TMEM233: variants seen among roughly 807,000 people sequenced by gnomAD.
TMEM233 encodes dispanin subfamily B member 2.
A neutral mutation model predicts 11.2 loss-of-function variants in TMEM233; 6 were observed. The ratio of observed to expected loss-of-function variants is 0.54; its 90% confidence interval spans 0.29 to 1.06. The LOEUF (loss-of-function observed/expected upper bound fraction) is 1.06, where lower values mean the gene tolerates loss of function less well. Ranked by LOEUF, TMEM233 falls within the 50% of genes least tolerant of loss-of-function variation. TMEM233 has a pLI of 0.08. For synonymous variants in TMEM233, 59 were observed against 55.8 expected (o/e 1.06, Z -0.26); for missense variants, 127 against 144.7 (o/e 0.88, Z 0.63).
chr12:119,627,345 A>C (rs1027694267), intron 1 of TMEM233, among the ~76,000 whole-genome samples: 2 of 152,256 alleles, frequency 1.3e-5, no homozygotes, highest in Non-Finnish European at 2.9e-5. Flanking sequence ...GTAGTGTGTC[A>C]GTCCATTTTG....
chr12:119,600,312 G>A (rs1479384846), intron 1 of TMEM233, among the ~76,000 whole-genome samples: 2 of 147,018 alleles, frequency 1.4e-5, no homozygotes, highest in Non-Finnish European at 3.0e-5. Flanking sequence ...CACAAGACAA[G>A]AACCGGCTGA....
intron 1 of TMEM233, among the ~76,000 whole-genome samples, 174 bp from the exon 2 acceptor site, chr12:119,629,561 AG>A: frequency 6.6e-6 from 1 of 152,338 alleles, no homozygotes; most frequent in Non-Finnish European, 1.5e-5. Context: ...CTTAGAGTTT[AG>A]GGAAGGATTC....
At chr12:119,636,049 G>A (rs1001853066) in intron 2 of TMEM233, among the ~76,000 whole-genome samples, 41 of 152,246 alleles carry the variant, frequency 2.7e-4, no homozygotes, top group African/African-American at 9.9e-4. Context: ...ACTGGCCATT[G>A]GTGCCCAACT....
intron 1 of TMEM233, among the ~76,000 whole-genome samples, chr12:119,611,858 G>A (rs1954405137): frequency 6.6e-6 from 1 of 152,112 alleles, no homozygotes; most frequent in Non-Finnish European, 1.5e-5. Context: ...GCTTCTCTGA[G>A]CCTAGGTTTT....
intron 1 of TMEM233, among the ~76,000 whole-genome samples, chr12:119,623,480 G>C (rs1006966703): frequency 1.3e-5 from 2 of 151,676 alleles, no homozygotes; most frequent in African/African-American, 4.9e-5. Context: ...GGCTGAGGCA[G>C]GTGGACTGCT....
In TMEM233 at chr12:119,641,448, T is replaced by C. The variant is rs1426065512; in HGVS notation, c.*743T>C. The stretch of plus-strand genomic sequence containing the variant: ...CAATTCTAGGTACATGAGCACTTCC[T>C]GTATCCCAGTTTTGGGAATAAACTG... On this transcript the variant is annotated 3_prime_UTR_variant, in exon 3 of 3. Transcript: ENST00000426426. The C allele has an allele frequency of 6.6e-6, 1 of 151,956 alleles. No individual in the cohort carries two copies. The highest frequency in any genetic ancestry group is 2.4e-5 in the African/African-American group (1 of 41,368). The allele number at this position is 151,956 out of a possible 1,614,324, so 9.4% of individuals were successfully genotyped here. A position where few individuals can be genotyped will look rare whatever the true frequency, so the allele number is the denominator to read the frequency against.
At position 119,634,195 on chromosome 12, in the gene TMEM233, G is replaced by T. The variant is rs1335808617; in HGVS notation, c.323+4323G>T. ...CACCTAGCAGGTCTACCCACAGGGA[G>T]CCTCCTTTGTAACAATCTATTTCCA... On this transcript the variant is annotated intron_variant, in intron 2 of 2. Transcript: ENST00000426426. 5.1e-6 allele frequency: 5 copies of T among 977,488 alleles called. No homozygotes were observed. The African/African-American group carries it at 8.8e-5, about 17-fold the overall frequency. The allele number at this position is 977,488 out of a possible 1,614,324, so 60.6% of individuals were successfully genotyped here.
In TMEM233 at chr12:119,595,252, C is replaced by T. The variant is rs1954016772; in HGVS notation, c.186+1218C>T. On this transcript the variant is annotated intron_variant, in intron 1 of 2. Transcript: ENST00000426426. This position sits in a 1 kb window ranked among gnomAD's most constrained non-coding sequence, Gnocchi z 4.3. ...CGGGACAACCCTTGCAGTTGCGCTC[C>T]CTCCCCCACCGGCTCACCTCGCCTG... Among the ~76,000 whole-genome samples, 1 of 152,182 alleles carries T rather than the reference C, an allele frequency of 6.6e-6. No individual in the cohort carries two copies. The highest frequency in any genetic ancestry group is 1.5e-5 in the Non-Finnish European group (1 of 68,024).
intron 1 of TMEM233, among the ~76,000 whole-genome samples, chr12:119,625,113 G>T (rs111756478): frequency 0.017 from 2,513 of 152,224 alleles, 61 homozygotes; most frequent in African/African-American, 0.056. Flanking sequence ...CTTCATTGTT[G>T]AGTCTTCCCA....
intron 1 of TMEM233, among the ~76,000 whole-genome samples, chr12:119,599,925 A>G (rs183318633): frequency 2.1e-4 from 32 of 152,250 alleles, no homozygotes; most frequent in African/African-American, 7.7e-4. Context: ...GGAAAGCTGC[A>G]ATGTTGAACA....
intron 2 of TMEM233, among the ~76,000 whole-genome samples, chr12:119,634,029 T>C (rs1459330800): frequency 6.6e-6 from 1 of 152,244 alleles, no homozygotes; most frequent in African/African-American, 2.4e-5. Flanking sequence ...TGCCAAACCT[T>C]GGCAAATATC....
In TMEM233 at chr12:119,642,225, T is replaced by A. The variant is rs1241343601; in HGVS notation, c.*1520T>A. ...ATCCCAGCAATTTGAGAGGCTGAGA[T>A]CACTTAAGGTCAGGAGTTTGAGACC... is the stretch of plus-strand genomic sequence containing the variant. On this transcript the variant is annotated 3_prime_UTR_variant, in exon 3 of 3. Coordinates refer to ENST00000426426, the MANE Select transcript of TMEM233 (RefSeq NM_001136534.3). 6.6e-6 allele frequency: 1 copy of A among 151,974 alleles called. No homozygotes were observed. Among genetic ancestry groups the A allele is most frequent in the Non-Finnish European group, 1.5e-5 (1 of 68,004 alleles). 9.4% of individuals were successfully genotyped at this position (151,974 alleles called of 1,614,324 possible). A position where few individuals can be genotyped will look rare whatever the true frequency, so the allele number is the denominator to read the frequency against.
chr12:119,622,726 TC>T (rs1261608750), intron 1 of TMEM233, among the ~76,000 whole-genome samples: 2 of 152,146 alleles, frequency 1.3e-5, no homozygotes, highest in African/African-American at 4.8e-5. Flanking sequence ...AATCTCTCAC[TC>T]TCGTCCCTCC....
chr12:119,619,593 A>T (rs1954602890), intron 1 of TMEM233, among the ~76,000 whole-genome samples: 1 of 151,816 alleles, frequency 6.6e-6, no homozygotes, highest in Non-Finnish European at 1.5e-5. Context: ...GTGAGCCAAG[A>T]TCATGCCATT....
chr12:119,610,852 C>A, intron 1 of TMEM233, among the ~76,000 whole-genome samples: 1 of 152,158 alleles, frequency 6.6e-6, no homozygotes, highest in East Asian at 1.9e-4. Flanking sequence ...TCCCCACAAC[C>A]CCTGGCAATC....
intron 1 of TMEM233, among the ~76,000 whole-genome samples, chr12:119,613,750 G>A (rs758002916): frequency 2.0e-5 from 3 of 152,122 alleles, no homozygotes; most frequent in Non-Finnish European, 4.4e-5. Flanking sequence ...AAGAGTTTGA[G>A]GCTGCACTGA....
Position 119,594,073 on chromosome 12 carries a change from A to C in TMEM233, c.186+39A>C. 1 of 1,543,264 alleles carries C rather than the reference A, an allele frequency of 6.5e-7. No homozygotes were observed. The highest frequency in any genetic ancestry group is 8.8e-7 in the Non-Finnish European group (1 of 1,142,266). ...GGCCAGAGGCAGCCTGGGAGGAGAG[A>C]CCCGGGCGGCTTTGAGCCCCTGCAG... On this transcript the variant is annotated intron_variant, in intron 1 of 2. Transcript: ENST00000426426. This position sits in a 1 kb window ranked among gnomAD's most constrained non-coding sequence, Gnocchi z 5.6.
Position 119,629,719 on chromosome 12 carries a change from T to C in TMEM233, c.187-17T>C. On this transcript the variant is annotated splice_polypyrimidine_tract_variant and intron_variant, in intron 1 of 2. Transcript: ENST00000426426. ...TGGGTTATCTGTCATCACCAGCTCT[T>C]CCCTTCTGTCCCCCAGTCTCTGAAC... 2 of 1,546,372 alleles carry C rather than the reference T, an allele frequency of 1.3e-6. No homozygotes were observed. The highest frequency in any genetic ancestry group is 1.7e-6 in the Non-Finnish European group (2 of 1,144,824).
intron 1 of TMEM233, among the ~76,000 whole-genome samples, chr12:119,623,494 G>C (rs1954686609): frequency 6.6e-6 from 1 of 151,276 alleles, no homozygotes; most frequent in African/African-American, 2.4e-5. Flanking sequence ...GACTGCTTGA[G>C]GTCAGGAGTT....
Sources: allele counts gnomAD v4.1 joint callset (sites outside exome capture counted in the v4.1 genomes callset), GRCh38; gene constraint gnomAD v4.1.1; non-coding constraint Gnocchi (gnomAD v3.1); transcripts MANE v1.5; gene names NCBI Gene and HGNC (gene_info 2026-07-23, HGNC 2026-07-21).